Variants in SS18 observed in about 807,000 individuals in gnomAD.
The protein encoded by SS18 is SS18 subunit of BAF chromatin remodeling complex, also known as protein SSXT.
A neutral mutation model predicts 72.5 loss-of-function variants in SS18; 28 were observed. The ratio of observed to expected loss-of-function variants is 0.39; its 90% CI spans 0.29 to 0.53. The LOEUF is 0.53. Among genes scored for constraint, SS18 ranks in the 20% least tolerant of loss-of-function variants. The pLI, the probability that SS18 is intolerant of heterozygous loss-of-function variation, is 0.76. For missense variants in SS18, 518 were observed against 535.3 expected (o/e 0.97, Z 0.32); for synonymous variants, 172 against 164.2 (o/e 1.05, Z -0.37).
At chr18:26,022,378 T>G (rs1429713590) in intron 10 of SS18, among the ~76,000 whole-genome samples, 5 of 151,946 alleles carry the variant, frequency 3.3e-5, no homozygotes, top group African/African-American at 1.2e-4. Flanking sequence ...AGAAATGTTA[T>G]GTTGAAAAAT....
chr18:26,074,684 T>C (rs1310805452), intron 3 of SS18, among the ~76,000 whole-genome samples: 3 of 152,022 alleles, frequency 2.0e-5, no homozygotes, highest in Non-Finnish European at 4.4e-5. Flanking sequence ...TTATAATTTA[T>C]ATTAACAATA....
intron 6 of SS18, among the ~76,000 whole-genome samples, chr18:26,039,079 T>C (rs908823447): frequency 6.6e-6 from 1 of 150,436 alleles, no homozygotes; most frequent in African/African-American, 2.4e-5. Context: ...TATAAAATTG[T>C]ATGGTATAAC....
intron 4 of SS18, among the ~76,000 whole-genome samples, chr18:26,055,544 T>C (rs750153825): frequency 6.6e-6 from 1 of 152,096 alleles, no homozygotes; most frequent in Non-Finnish European, 1.5e-5. Flanking sequence ...AATGAGAACA[T>C]AAGTAGCTCT....
At chr18:26,021,061 A>G (rs2053340441) in intron 10 of SS18, among the ~76,000 whole-genome samples, 1 of 152,216 alleles carries the variant, frequency 6.6e-6, no homozygotes, top group Non-Finnish European at 1.5e-5. Context: ...CTGAGAGTCT[A>G]AGTAACTTGG....
At chr18:26,025,730 G>A (rs1489925577) in intron 10 of SS18, among the ~76,000 whole-genome samples, 1 of 151,842 alleles carries the variant, frequency 6.6e-6, no homozygotes, top group African/African-American at 2.4e-5. Flanking sequence ...AACCCAGATG[G>A]CTTCACTGGT....
At chr18:26,038,494 C>T in intron 7 of SS18, 61 bp downstream of exon 7, 2 of 1,451,840 alleles carry the variant, frequency 1.4e-6, no homozygotes, top group Non-Finnish European at 1.9e-6. Context: ...TTTTAAATAA[C>T]TCTCTACATT....
intron 1 of SS18, 144 bp from the exon 2 acceptor site, chr18:26,087,721 T>C (rs1169259508): frequency 8.6e-6 from 4 of 464,936 alleles, no homozygotes; most frequent in African/African-American, 2.0e-5. Context: ...TACTGTCCCC[T>C]GCAAACAATC....
intron 3 of SS18, among the ~76,000 whole-genome samples, chr18:26,073,580 C>T (rs976306512): frequency 6.6e-6 from 1 of 152,130 alleles, no homozygotes; most frequent in African/African-American, 2.4e-5. Flanking sequence ...TTGCTGGAAC[C>T]TCATTATGAA....
At chr18:26,031,690 C>A (rs891633021) in intron 10 of SS18, among the ~76,000 whole-genome samples, 2 of 151,998 alleles carry the variant, frequency 1.3e-5, no homozygotes, top group African/African-American at 4.8e-5. Context: ...ATACAGTCAT[C>A]CTAGGATGAG....
At chr18:26,052,881 G>C (rs1361551055) in intron 4 of SS18, 36 bp from the exon 5 acceptor site, 1 of 1,570,086 alleles carries the variant, frequency 6.4e-7, no homozygotes, top group Non-Finnish European at 8.8e-7. Flanking sequence ...AAATATGAAA[G>C]TTAAACAGAT....
At chr18:26,028,770 G>A (rs2053494705) in intron 10 of SS18, among the ~76,000 whole-genome samples, 1 of 152,180 alleles carries the variant, frequency 6.6e-6, no homozygotes, top group African/African-American at 2.4e-5. Flanking sequence ...CAAGTGGAGG[G>A]ATTTCAAAGG....
chr18:26,040,644 T>C (rs759161573), intron 5 of SS18, among the ~76,000 whole-genome samples: 22 of 152,248 alleles, frequency 1.4e-4, no homozygotes, highest in African/African-American at 4.6e-4. Flanking sequence ...ACAGCAGCAA[T>C]GATGTAAGCA....
rs150892645 is a variant in SS18 at position 26,047,351 on chromosome 18, A to G, written c.607+5273T>C. The stretch of plus-strand genomic sequence containing the variant: ...AAATCAAATCAGTTTCTTTAATAAA[A>G]ATCTTCTCAGGCCTTTTAATAGTCT... On this transcript the variant is annotated intron_variant, in intron 5 of 10. Transcript: ENST00000415083. 2.5e-3 allele frequency among the ~76,000 whole-genome samples: 384 copies of G among 152,096 alleles called. 9 individuals carry two copies. In the East Asian group the frequency reaches 0.063, roughly 25 times the overall value.
chr18:26,086,897 G>C (rs534211796), intron 2 of SS18, among the ~76,000 whole-genome samples: 72 of 152,274 alleles, frequency 4.7e-4, no homozygotes, highest in African/African-American at 1.7e-3. Context: ...AAGAAACGAA[G>C]TGATACCCAA....
Position 26,035,400 on chromosome 18 carries a change from T to C in SS18, c.974-273A>G. 2.5e-6 allele frequency: 1 copy of C among 397,640 alleles called. No individual in the cohort carries two copies. The allele number at this position is 397,640 out of a possible 1,614,324, so 24.6% of individuals were successfully genotyped here. The stretch of plus-strand genomic sequence containing the variant: ...TTACTGGAACATCACAGTCATAAGA[T>C]CATGACTATGCTAAATAAAATAAAA... On this transcript the variant is annotated intron_variant, in intron 8 of 10. Coordinates refer to ENST00000415083, the MANE Select transcript of SS18 (RefSeq NM_001007559.3). The surrounding 1 kb of genome is among the most constrained non-coding windows in gnomAD (Gnocchi z 4.4).
intron 2 of SS18, chr18:26,078,532 A>C (rs2054458717): frequency 5.8e-6 from 1 of 171,020 alleles, no homozygotes; most frequent in African/African-American, 2.4e-5. Context: ...CATATGTAAT[A>C]GGCCCATACT....
At chr18:26,037,798 C>T (rs1343384579) in intron 7 of SS18, among the ~76,000 whole-genome samples, 1 of 152,026 alleles carries the variant, frequency 6.6e-6, no homozygotes, top group African/African-American at 2.4e-5. Flanking sequence ...TTCTTCTACA[C>T]TGTATTATAA....
chr18:26,076,401 A>C (rs552890683), intron 3 of SS18, among the ~76,000 whole-genome samples: 1 of 152,066 alleles, frequency 6.6e-6, no homozygotes, highest in South Asian at 2.1e-4. Context: ...CATAGATTGC[A>C]TGACAAAATA....
intron 3 of SS18, among the ~76,000 whole-genome samples, chr18:26,070,596 G>A (rs2054294788): frequency 6.6e-6 from 1 of 152,184 alleles, no homozygotes; most frequent in Non-Finnish European, 1.5e-5. Flanking sequence ...GGCATTAGAA[G>A]TTATTTTTCT....
Sources: gnomAD v4.1 joint callset for allele counts (sites outside exome capture counted in the v4.1 genomes callset) on GRCh38, gnomAD v4.1.1 for gene constraint, Gnocchi (gnomAD v3.1) non-coding constraint, MANE v1.5 for transcripts, NCBI Gene and HGNC (gene_info 2026-07-23, HGNC 2026-07-21) for gene names.